The following TMEM97 variants were observed in gnomAD, a reference collection of about 807,000 sequenced individuals.
TMEM97 encodes the protein sigma intracellular receptor 2.
In TMEM97, 13 loss-of-function variants were observed where a neutral mutation model predicts 18.3. The ratio of observed to expected loss-of-function variants is 0.71; its 90% confidence interval spans 0.46 to 1.13. The LOEUF (loss-of-function observed/expected upper bound fraction) is 1.13, where lower values mean the gene tolerates loss of function less well. Among genes scored for constraint, TMEM97 ranks in the 50% most tolerant of loss-of-function variants. TMEM97 has a pLI of 0.00. For missense variants in TMEM97, 205 were observed against 210.5 expected (o/e 0.97, Z 0.16); for synonymous variants, 76 against 85.3 (o/e 0.89, Z 0.60).
In TMEM97 at chr17:28,328,048, T is replaced by A. The variant is rs782152751; in HGVS notation, c.*1255T>A. On this transcript the variant is annotated 3_prime_UTR_variant, in exon 3 of 3. Transcript: ENST00000226230. ...TAGAGGGTCTCTTCACGTTGATGCT[T>A]GGCATTCCATCAGCTTTCTCTAAGT... is the stretch of plus-strand genomic sequence containing the variant. 6.5e-6 allele frequency: 1 copy of A among 152,968 alleles called. No homozygotes were observed. Among genetic ancestry groups the A allele is most frequent in the Non-Finnish European group, 1.5e-5 (1 of 68,302 alleles). The allele number at this position is 152,968 out of a possible 1,614,324, so 9.5% of individuals were successfully genotyped here.
intron 1 of TMEM97, among the ~76,000 whole-genome samples, chr17:28,324,881 G>A (rs1265868610): frequency 6.6e-6 from 1 of 152,154 alleles, no homozygotes; most frequent in East Asian, 1.9e-4. Context: ...GGGAGTTAAG[G>A]AACTTGTTTG....
At position 28,323,424 on chromosome 17, in the gene TMEM97, CT is replaced by C. The variant is rs1326739068; in HGVS notation, c.127-2066del. ...AGTGAAGTTCAAATGGCCAGAATGC[CT>C]TTTTTTTTTTTTAATTTTTTTTTGA... On this transcript the variant is annotated intron_variant, in intron 1 of 2. Coordinates refer to ENST00000226230, the MANE Select transcript of TMEM97 (RefSeq NM_014573.3). Among the ~76,000 whole-genome samples, 1,321 of 141,756 alleles carry C rather than the reference CT, an allele frequency of 9.3e-3. 9 individuals carry two copies. Among genetic ancestry groups the C allele is most frequent in the African/African-American group, 0.025 (967 of 38,828 alleles). The allele number at this position is 141,756 out of a possible 152,430, so 93.0% of individuals were successfully genotyped here. A position where few individuals can be genotyped will look rare whatever the true frequency, so the allele number is the denominator to read the frequency against.
In TMEM97 at chr17:28,325,816, C is replaced by G. The variant is rs147194289; in HGVS notation, c.271+169C>G. On this transcript the variant is annotated intron_variant, in intron 2 of 2. Transcript: ENST00000226230. ...ATCTTGTAAAGGGACATTAGTGTGG[C>G]TCAGGCTCATGTCTGTGGTCAGCAG... 7.8e-5 allele frequency: 71 copies of G among 913,886 alleles called. No individual in the cohort carries two copies. The African/African-American group carries it at 8.9e-4, about 11-fold the overall frequency. The allele number at this position is 913,886 out of a possible 1,614,324, so 56.6% of individuals were successfully genotyped here.
At position 28,327,119 on chromosome 17, in the gene TMEM97, G is replaced by A. The variant is rs1185721363; in HGVS notation, c.*326G>A. 5.0e-5 allele frequency: 13 copies of A among 258,530 alleles called. No homozygotes were observed. The highest frequency in any genetic ancestry group is 1.9e-4 in the South Asian group (3 of 15,916). The allele number at this position is 258,530 out of a possible 1,614,324, so 16.0% of individuals were successfully genotyped here. On this transcript the variant is annotated 3_prime_UTR_variant, in exon 3 of 3. Transcript: ENST00000226230. ...TAGAACTACAGGTGTGTACCAACACGTATGGCTAATTTGTTTTGTTTTTTT... is the reference window on the plus strand; with the variant it reads ...TAGAACTACAGGTGTGTACCAACACATATGGCTAATTTGTTTTGTTTTTTT...
intron 1 of TMEM97, among the ~76,000 whole-genome samples, chr17:28,320,781 T>A (rs1906111970): frequency 6.6e-6 from 1 of 152,220 alleles, no homozygotes; most frequent in South Asian, 2.1e-4. Flanking sequence ...TCTTGCCTCT[T>A]CCATTTTCTG....
chr17:28,319,324 G>T lies in TMEM97; in HGVS notation c.85G>T (p.Asp29Tyr). Reference protein sequence around the residue: ...LSHIPITLFMDLQAVLPRELY... With the variant: ...LSHIPITLFMYLQAVLPRELY... ...CCACATCCCCATCACCCTGTTCATG[G>T]ACCTGCAGGCGGTGCTGCCGCGCGA... Residue 29 changes from aspartate (D) to tyrosine (Y), a missense_variant, in exon 1 of 3, where the codon GAC (aspartate) becomes TAC (tyrosine). Transcript: ENST00000226230. 6.2e-7 allele frequency: 1 copy of T among 1,608,992 alleles called. No individual in the cohort carries two copies. Among genetic ancestry groups the T allele is most frequent in the Non-Finnish European group, 8.5e-7 (1 of 1,177,792 alleles).
chr17:28,321,725 C>T (rs1167860426), intron 1 of TMEM97, among the ~76,000 whole-genome samples: 1 of 151,892 alleles, frequency 6.6e-6, no homozygotes, highest in Non-Finnish European at 1.5e-5. Flanking sequence ...CCGTGCCCAG[C>T]GTCAGCTTTA....
intron 1 of TMEM97, among the ~76,000 whole-genome samples, chr17:28,321,865 G>C (rs1198674244): frequency 1.4e-5 from 2 of 147,970 alleles, no homozygotes; most frequent in African/African-American, 5.0e-5. Flanking sequence ...TTAGGCATTA[G>C]CACGGGCATC....
At chr17:28,319,453 C>T in intron 1 of TMEM97, 88 bp downstream of exon 1, 1 of 1,419,306 alleles carries the variant, frequency 7.0e-7, no homozygotes, top group Non-Finnish European at 9.2e-7. Flanking sequence ...CTCGCGCACT[C>T]TGGGTTCCAG....
intron 1 of TMEM97, among the ~76,000 whole-genome samples, chr17:28,324,081 G>C (rs1224620186): frequency 6.6e-6 from 1 of 152,152 alleles, no homozygotes; most frequent in Non-Finnish European, 1.5e-5. Context: ...GCAAAAAAGG[G>C]ATCTTAAGAA....
intron 1 of TMEM97, among the ~76,000 whole-genome samples, chr17:28,325,150 G>A (rs73271164): frequency 0.012 from 1,903 of 152,256 alleles, 35 homozygotes; most frequent in African/African-American, 0.043. Flanking sequence ...TTCATTCAGC[G>A]AACACCCTGA....
chr17:28,326,683 T>A lies in TMEM97; in HGVS notation c.421T>A (p.Leu141Ile). 1.2e-6 allele frequency: 2 copies of A among 1,614,158 alleles called. No homozygotes were observed. The highest frequency in any genetic ancestry group is 4.5e-5 in the East Asian group (2 of 44,886). Residue 141 changes from leucine to isoleucine, a missense_variant, in exon 3 of 3, where the codon TTA (leucine) becomes ATA (isoleucine). Transcript: ENST00000226230. ...AAGACCTGAGACTTTGCATGAACGG[T>A]TAACCCTTGTGTCTGTCTATGCCCC... ...GQRPETLHER[L>I]TLVSVYAPYL...
chr17:28,326,162 G>A (rs1555575426), intron 2 of TMEM97, among the ~76,000 whole-genome samples: 1 of 152,180 alleles, frequency 6.6e-6, no homozygotes, highest in Admixed American at 6.5e-5. Context: ...GGCACCCCCT[G>A]GGGTCACTGA....
intron 1 of TMEM97, among the ~76,000 whole-genome samples, chr17:28,321,668 C>T (rs1567775017): frequency 6.6e-6 from 1 of 152,148 alleles, no homozygotes; most frequent in Non-Finnish European, 1.5e-5. Flanking sequence ...CTCAAGCCAT[C>T]CTCCTGCCTC....
intron 2 of TMEM97, 59 bp downstream of exon 2, chr17:28,325,706 T>G: frequency 6.2e-7 from 1 of 1,607,204 alleles, no homozygotes; most frequent in Non-Finnish European, 8.5e-7. Context: ...AGAAATCTTT[T>G]GGGAAAGTAT....
rs374598279 is a variant in TMEM97, at chr17:28,326,097, G to A, written c.272-437G>A. On this transcript the variant is annotated intron_variant, in intron 2 of 2. Transcript: ENST00000226230. ...ATAATCAATGCTTTTTTAAAAAGGTGACCATACACGTGTACTTGATAAGCT... is the reference window on the plus strand; with the variant it reads ...ATAATCAATGCTTTTTTAAAAAGGTAACCATACACGTGTACTTGATAAGCT... Among the ~76,000 whole-genome samples the A allele has an allele frequency of 3.8e-4, 58 of 152,250 alleles. No homozygotes were observed. The East Asian group carries it at 6.2e-3, about 16-fold the overall frequency.
Position 28,326,906 on chromosome 17 carries a change from C to A in TMEM97, c.*113C>A. On this transcript the variant is annotated 3_prime_UTR_variant, in exon 3 of 3. Transcript: ENST00000226230. Reference sequence around the variant, plus strand: ...TCTTCAGCAGCATTTGAAACACTGGCAGCAATGCACAAGAGCAAGATGGTG... The same window carrying A: ...TCTTCAGCAGCATTTGAAACACTGGAAGCAATGCACAAGAGCAAGATGGTG... The A allele has an allele frequency of 8.0e-7, 1 of 1,253,462 alleles. No individual in the cohort carries two copies. Among genetic ancestry groups the A allele is most frequent in the Admixed American group, 2.2e-5 (1 of 44,482 alleles). The allele number at this position is 1,253,462 out of a possible 1,614,324, so 77.6% of individuals were successfully genotyped here. A position where few individuals can be genotyped will look rare whatever the true frequency, so the allele number is the denominator to read the frequency against.
At chr17:28,321,670 T>A (rs1555574906) in intron 1 of TMEM97, among the ~76,000 whole-genome samples, 1 of 152,190 alleles carries the variant, frequency 6.6e-6, no homozygotes, top group East Asian at 1.9e-4. Flanking sequence ...CAAGCCATCC[T>A]CCTGCCTCGG....
chr17:28,324,988 A>G (rs1242291546), intron 1 of TMEM97, among the ~76,000 whole-genome samples: 1 of 151,116 alleles, frequency 6.6e-6, no homozygotes, highest in East Asian at 1.9e-4. Context: ...AGAAGAGGGA[A>G]ATTCAATTCA....
Sources: gnomAD v4.1 joint callset for allele counts (sites outside exome capture counted in the v4.1 genomes callset) on GRCh38, gnomAD v4.1.1 for gene constraint, MANE v1.5 for transcripts, NCBI Gene and HGNC (gene_info 2026-07-23, HGNC 2026-07-21) for gene names.